Variants in RYR2 observed in about 807,000 individuals in gnomAD.
RYR2 encodes ryanodine receptor 2.
A neutral mutation model predicts 601.1 loss-of-function variants in RYR2; 227 were observed. That is an observed-to-expected ratio of 0.38 (90% CI 0.34 to 0.42). The LOEUF is 0.42. RYR2 is among the 10% of genes least tolerant of loss of function. The pLI is 1.00. For missense variants in RYR2, 4,646 were observed against 6,156.5 expected (o/e 0.75, Z 8.21); for synonymous variants, 2,223 against 2,175.1 (o/e 1.02, Z -0.61).
chr1:237,531,635 C>A (rs1392353058), intron 25 of RYR2, among the ~76,000 whole-genome samples: 1 of 152,120 alleles, frequency 6.6e-6, no homozygotes, highest in Non-Finnish European at 1.5e-5. Flanking sequence ...CAGATTTAAG[C>A]AAGTCTCTAG....
chr1:237,676,799 CT>C (rs1685438881), intron 60 of RYR2, among the ~76,000 whole-genome samples: 1 of 152,104 alleles, frequency 6.6e-6, no homozygotes, highest in Non-Finnish European at 1.5e-5. Flanking sequence ...ATTGTAATCT[CT>C]CCACATCTTT....
chr1:237,652,662 C>G (rs1000526599), intron 51 of RYR2, among the ~76,000 whole-genome samples: 5 of 152,038 alleles, frequency 3.3e-5, no homozygotes, highest in Non-Finnish European at 7.4e-5. Context: ...GATAAAAATT[C>G]TATTTTTATG....
intron 12 of RYR2, among the ~76,000 whole-genome samples, chr1:237,428,176 T>C (rs540684437): frequency 6.6e-6 from 1 of 152,316 alleles, no homozygotes; most frequent in African/African-American, 2.4e-5. Flanking sequence ...GCTCAACCAT[T>C]GTGGACGACA....
chr1:237,746,201 G>A (rs1045269830), intron 80 of RYR2, among the ~76,000 whole-genome samples: 9 of 152,154 alleles, frequency 5.9e-5, no homozygotes, highest in African/African-American at 2.2e-4. Flanking sequence ...TAGTCTAATA[G>A]TGGAGTTATT....
intron 1 of RYR2, among the ~76,000 whole-genome samples, chr1:237,262,400 C>T (rs1688634170): frequency 6.6e-6 from 1 of 151,828 alleles, no homozygotes; most frequent in South Asian, 2.1e-4. Context: ...GGATTACAGG[C>T]ACACACCAGC....
intron 25 of RYR2, among the ~76,000 whole-genome samples, chr1:237,531,965 C>A (rs573890028): frequency 1.3e-5 from 2 of 151,978 alleles, no homozygotes; most frequent in Non-Finnish European, 2.9e-5. Context: ...CAAATTATTT[C>A]TCCTACTGTA....
At chr1:237,523,186 C>A (rs1000566238) in intron 24 of RYR2, among the ~76,000 whole-genome samples, 1 of 152,128 alleles carries the variant, frequency 6.6e-6, no homozygotes, top group Non-Finnish European at 1.5e-5. Flanking sequence ...GATACAATAT[C>A]CAAAACATGA....
intron 24 of RYR2, among the ~76,000 whole-genome samples, chr1:237,529,757 T>TACACACACA (rs1553486153): frequency 2.5e-5 from 1 of 40,192 alleles, no homozygotes. Context: ...AACAATAATA[T>TACACACACA]CATACACACA....
intron 1 of RYR2, among the ~76,000 whole-genome samples, chr1:237,072,957 A>AC (rs939818085): frequency 4.0e-5 from 6 of 151,126 alleles, no homozygotes; most frequent in Admixed American, 6.6e-5. Context: ...CAAAAAAAAA[A>AC]AAAAAAACAA....
At chr1:237,243,354 C>T (rs893381976) in intron 1 of RYR2, among the ~76,000 whole-genome samples, 10 of 152,072 alleles carry the variant, frequency 6.6e-5, no homozygotes, top group African/African-American at 2.4e-4. Context: ...CCCATGACCC[C>T]CTGTTTGGAT....
chr1:237,622,388 G>A (rs1679167288), intron 38 of RYR2, among the ~76,000 whole-genome samples: 1 of 152,090 alleles, frequency 6.6e-6, no homozygotes, highest in South Asian at 2.1e-4. Flanking sequence ...ACCACAAGTG[G>A]AAAATTCTAC....
At chr1:237,556,074 T>C (rs1005478271) in intron 27 of RYR2, among the ~76,000 whole-genome samples, 7 of 152,238 alleles carry the variant, frequency 4.6e-5, no homozygotes, top group Admixed American at 3.3e-4. Context: ...TGACATACAG[T>C]GTTTTATACT....
chr1:237,261,259 C>G (rs747428509), intron 1 of RYR2, among the ~76,000 whole-genome samples: 1 of 152,172 alleles, frequency 6.6e-6, no homozygotes, highest in African/African-American at 2.4e-5. Context: ...GCAGTGACCC[C>G]CCTTGGGTAA....
chr1:237,515,289 T>A (rs1666306536), intron 24 of RYR2, among the ~76,000 whole-genome samples: 1 of 152,226 alleles, frequency 6.6e-6, no homozygotes, highest in South Asian at 2.1e-4. Context: ...ACAGCTCACG[T>A]TTTAGAAATA....
intron 25 of RYR2, among the ~76,000 whole-genome samples, chr1:237,539,041 T>G (rs566539039): frequency 3.0e-4 from 45 of 152,318 alleles, no homozygotes; most frequent in African/African-American, 9.4e-4. Context: ...TCTGTATGGA[T>G]GCACAGGCCA....
chr1:237,127,100 G>GGTAA (rs1314291685), intron 1 of RYR2, among the ~76,000 whole-genome samples: 1 of 151,302 alleles, frequency 6.6e-6, no homozygotes, highest in Non-Finnish European at 1.5e-5. Context: ...CAGGGTTGGG[G>GGTAA]GTAAGGTCAC....
chr1:237,815,246 A>G (rs997147002), intron 100 of RYR2, among the ~76,000 whole-genome samples: 1 of 152,098 alleles, frequency 6.6e-6, no homozygotes, highest in African/African-American at 2.4e-5. Context: ...TTCCACCTCC[A>G]GCTCTCATTA....
At chr1:237,820,424 G>A (rs891938994) in intron 101 of RYR2, among the ~76,000 whole-genome samples, 6 of 152,058 alleles carry the variant, frequency 3.9e-5, no homozygotes, top group Non-Finnish European at 8.8e-5. Flanking sequence ...CAAGGGGTTG[G>A]GGGATTTCCC....
At chr1:237,687,353 C>CTTTTTTTTTTTT in intron 62 of RYR2, 102 bp from the exon 63 acceptor site, 1 of 584,798 alleles carries the variant, frequency 1.7e-6, no homozygotes, top group Non-Finnish European at 2.8e-6. Flanking sequence ...GTTTTTTTTT[C>CTTTTTTTTTTTT]TTTTTTCTTC....
Sources: allele counts gnomAD v4.1 joint callset (sites outside exome capture counted in the v4.1 genomes callset), GRCh38; gene constraint gnomAD v4.1.1; transcripts MANE v1.5; gene names NCBI Gene and HGNC (gene_info 2026-07-23, HGNC 2026-07-21).